The following COL21A1 variants were observed in gnomAD, a reference collection of about 807,000 sequenced individuals.
COL21A1 encodes collagen type XXI alpha 1 chain.
COL21A1 carries 149 observed loss-of-function variants against 137.9 expected under a neutral mutation model. The ratio of observed to expected loss-of-function variants is 1.08; its 90% CI spans 0.95 to 1.24. The LOEUF (loss-of-function observed/expected upper bound fraction) is 1.24, where lower values mean the gene tolerates loss of function less well. COL21A1 is among the 50% of genes most tolerant of loss of function. The pLI, the probability that COL21A1 is intolerant of heterozygous loss-of-function variation, is 0.00. For synonymous variants in COL21A1, 456 were observed against 391.5 expected (o/e 1.16, Z -1.95); for missense variants, 1,167 against 1,158.4 (o/e 1.01, Z -0.11).
chr6:56,205,260 C>T (rs1779687511), intron 1 of COL21A1, among the ~76,000 whole-genome samples: 1 of 152,074 alleles, frequency 6.6e-6, no homozygotes, highest in Non-Finnish European at 1.5e-5. Flanking sequence ...AAATTGATAA[C>T]TAGAATAACC....
intron 2 of COL21A1, among the ~76,000 whole-genome samples, chr6:56,180,945 T>C (rs189002641): frequency 9.3e-4 from 141 of 152,334 alleles, no homozygotes; most frequent in African/African-American, 3.2e-3. Context: ...TTGCAGTTGC[T>C]CTTCCCTTTT....
intron 1 of COL21A1, among the ~76,000 whole-genome samples, chr6:56,278,166 C>T (rs1175400112): frequency 6.6e-6 from 1 of 152,214 alleles, no homozygotes; most frequent in African/African-American, 2.4e-5. Flanking sequence ...GCTCATCTTT[C>T]CTTTCCCATA....
intron 17 of COL21A1, among the ~76,000 whole-genome samples, chr6:56,086,614 G>A (rs1768272849): frequency 6.6e-6 from 1 of 152,118 alleles, no homozygotes; most frequent in African/African-American, 2.4e-5. Context: ...AAGAGGAGGG[G>A]TTGGTCTTGC....
Position 56,074,263 on chromosome 6 carries a change from G to A in COL21A1, c.1934C>T (p.Ser645Leu). 1 of 1,592,934 alleles carries A rather than the reference G, an allele frequency of 6.3e-7. No individual in the cohort carries two copies. Among genetic ancestry groups the A allele is most frequent in the Non-Finnish European group, 8.6e-7 (1 of 1,169,456 alleles). The stretch of plus-strand genomic sequence containing the variant: ...TCCCGGTGTTCCAGGCTGGCCTGGT[G>A]AGCCATTGCTTCCCATTAAACCCTA... ...GMPGLMGSNG[S>L]PGQPGTPGSK... The change falls in exon 20 of 30, where the codon TCA (serine) becomes TTA (leucine). Residue 645 changes from serine to leucine, a missense_variant. Ser to Leu is a moderately radical substitution (Grantham distance 145). Transcript: ENST00000244728.
At chr6:56,333,782 G>A (rs1765281437) in intron 1 of COL21A1, among the ~76,000 whole-genome samples, 1 of 152,100 alleles carries the variant, frequency 6.6e-6, no homozygotes, top group Non-Finnish European at 1.5e-5. Context: ...ATCACTTGGT[G>A]TGGTGAATCT....
At chr6:56,164,260 C>T (rs1428645565) in intron 9 of COL21A1, among the ~76,000 whole-genome samples, 163 bp downstream of exon 9, 1 of 152,098 alleles carries the variant, frequency 6.6e-6, no homozygotes, top group East Asian at 1.9e-4. Flanking sequence ...GGCTAGAATA[C>T]ACTTGTTTTT....
intron 10 of COL21A1, among the ~76,000 whole-genome samples, chr6:56,156,536 T>C (rs1410617039): frequency 6.6e-6 from 1 of 152,156 alleles, no homozygotes; most frequent in African/African-American, 2.4e-5. Context: ...CCCCACTATC[T>C]TCCAGTCTGT....
intron 1 of COL21A1, among the ~76,000 whole-genome samples, chr6:56,216,091 T>G (rs1780464190): frequency 6.6e-6 from 1 of 152,094 alleles, no homozygotes; most frequent in Non-Finnish European, 1.5e-5. Flanking sequence ...TTTTTCACAA[T>G]GGTGATAGAT....
At chr6:56,285,627 T>C (rs1053975587) in intron 1 of COL21A1, among the ~76,000 whole-genome samples, 9 of 152,216 alleles carry the variant, frequency 5.9e-5, no homozygotes, top group Non-Finnish European at 1.3e-4. Flanking sequence ...ATTTATTATA[T>C]TAAATTGGTA....
chr6:56,163,634 G>A (rs1351675911), intron 9 of COL21A1, among the ~76,000 whole-genome samples: 1 of 151,826 alleles, frequency 6.6e-6, no homozygotes, highest in Non-Finnish European at 1.5e-5. Context: ...GCTTGAACCC[G>A]GGAGGCGGAG....
intron 9 of COL21A1, among the ~76,000 whole-genome samples, 195 bp downstream of exon 9, chr6:56,164,228 G>T (rs916048719): frequency 1.3e-5 from 2 of 152,066 alleles, no homozygotes; most frequent in African/African-American, 4.8e-5. Context: ...ACAGTTTTGG[G>T]TTCAAAAGGT....
At chr6:56,103,506 GATGACTACTTTGATTTATAAAATC>G (rs1770625394) in intron 16 of COL21A1, among the ~76,000 whole-genome samples, 1 of 152,070 alleles carries the variant, frequency 6.6e-6, no homozygotes, top group African/African-American at 2.4e-5. Flanking sequence ...TACATGATTA[GATGACTACTTTGATTTATAAAATC>G]ATGACTACTT....
At chr6:56,342,301 A>G (rs11967161) in intron 1 of COL21A1, among the ~76,000 whole-genome samples, 18,962 of 152,192 alleles carry the variant, frequency 0.12, 1,390 homozygotes, top group African/African-American at 0.21. Flanking sequence ...AAACTCCTCT[A>G]AACATTCTGG....
At chr6:56,173,025 T>C (rs1777184115) in intron 3 of COL21A1, among the ~76,000 whole-genome samples, 1 of 151,972 alleles carries the variant, frequency 6.6e-6, no homozygotes, top group African/African-American at 2.4e-5. Context: ...ATTACCAAAA[T>C]GGCAACAATA....
chr6:56,240,341 C>T (rs1019608492), intron 1 of COL21A1, among the ~76,000 whole-genome samples: 1 of 152,098 alleles, frequency 6.6e-6, no homozygotes, highest in Non-Finnish European at 1.5e-5. Context: ...AGCCATGAGG[C>T]GCCACCCTGG....
chr6:56,082,918 T>A (rs1767917869), intron 17 of COL21A1, among the ~76,000 whole-genome samples: 1 of 151,952 alleles, frequency 6.6e-6, no homozygotes, highest in Admixed American at 6.6e-5. Context: ...TACTAGTTAT[T>A]GCATAACACA....
intron 20 of COL21A1, among the ~76,000 whole-genome samples, chr6:56,072,642 C>A (rs1467627797): frequency 1.3e-5 from 2 of 151,404 alleles, no homozygotes. Context: ...CATAGCCACA[C>A]CCCATACCCA....
At chr6:56,227,412 C>A (rs1461751474) in intron 1 of COL21A1, among the ~76,000 whole-genome samples, 1 of 151,994 alleles carries the variant, frequency 6.6e-6, no homozygotes, top group Non-Finnish European at 1.5e-5. Context: ...GTGGGAAATT[C>A]TACTAAGTAA....
chr6:56,240,020 G>A (rs1782181098), intron 1 of COL21A1, among the ~76,000 whole-genome samples: 1 of 152,104 alleles, frequency 6.6e-6, no homozygotes, highest in South Asian at 2.1e-4. Flanking sequence ...TAAGTCTCAG[G>A]AATCTGATGG....
Sources: gnomAD v4.1 joint callset for allele counts (sites outside exome capture counted in the v4.1 genomes callset) on GRCh38, gnomAD v4.1.1 for gene constraint, MANE v1.5 for transcripts, NCBI Gene and HGNC (gene_info 2026-07-23, HGNC 2026-07-21) for gene names.